GNLY: variants seen among roughly 807,000 people sequenced by gnomAD.
GNLY encodes granulysin, also known as T-cell activation protein 519.
A neutral mutation model predicts 18.5 loss-of-function variants in GNLY; 15 were observed. That is an observed-to-expected ratio of 0.81 (90% CI 0.54 to 1.25). GNLY has a LOEUF of 1.25. Ranked by LOEUF, GNLY falls within the 50% of genes most tolerant of loss-of-function variation. The pLI is 0.00. For missense variants in GNLY, 178 were observed against 186.9 expected, an observed-to-expected ratio of 0.95 and a Z score of 0.28; for synonymous variants, 77 against 74.9, an observed-to-expected ratio of 1.03 and a Z score of -0.14.
chr2:85,698,664 C>T lies in GNLY; in HGVS notation c.*90C>T. ...AACCTCTGCCGGCTCCTCGCTTCCTCGATCCAGAATCCACTCTCCAGTCTC... is the reference window on the plus strand; with the variant it reads ...AACCTCTGCCGGCTCCTCGCTTCCTTGATCCAGAATCCACTCTCCAGTCTC... On this transcript the variant is annotated 3_prime_UTR_variant, in exon 5 of 5. Transcript: ENST00000263863. 1 of 1,610,076 alleles carries T rather than the reference C, an allele frequency of 6.2e-7. No homozygotes were observed. Among genetic ancestry groups the T allele is most frequent in the Non-Finnish European group, 8.5e-7 (1 of 1,179,260 alleles).
chr2:85,695,055 C>A, intron 1 of GNLY: 2 of 1,492,450 alleles, frequency 1.3e-6, no homozygotes, highest in East Asian at 4.8e-5. Context: ...AAACCGACCC[C>A]CAAATCTGTG....
At position 85,694,451 on chromosome 2, in the gene GNLY, C is replaced by A. The variant is rs1265427500; in HGVS notation, c.33C>A (p.Ala11=). The part of the protein sequence containing the change: MATWALLLLA[A]MLLGNPGLVF... ...CCTGGGCCCTCCTGCTCCTTGCAGC[C>A]ATGCTCCTGGGCAACCCAGGTAAGG... Residue 11 remains alanine, a synonymous_variant, in exon 1 of 5, where the codon GCC becomes GCA. Transcript: ENST00000263863. The A allele has an allele frequency of 6.2e-7, 1 of 1,614,118 alleles. No individual in the cohort carries two copies. The highest frequency in any genetic ancestry group is 1.7e-5 in the Admixed American group (1 of 60,008).
rs146680370 is a variant in GNLY, at chr2:85,695,383, A to G, written c.116A>G (p.Glu39Gly). The G allele has an allele frequency of 5.6e-5, 91 of 1,613,670 alleles. No homozygotes were observed. In the African/African-American group the frequency reaches 1.2e-3, roughly 21 times the overall value. ...CTGGCAAGAGCCCACCTGCGTGATG[A>G]GGAGAAATCCTGCCCGTGCCTGGCC... ...YDLARAHLRD[E>G]EKSCPCLAQE... Residue 39 changes from glutamate (E) to glycine (G), a missense_variant, in exon 2 of 5, where the codon GAG (glutamate) becomes GGG (glycine). Transcript: ENST00000263863.
rs577851040 is a variant in GNLY, at chr2:85,695,959, G to C, written c.158G>C (p.Gly53Ala). The change falls in exon 3 of 5, where the codon GGT becomes GCT. Residue 53 changes from glycine to alanine, a missense_variant and splice_region_variant. Physicochemically the swap from Gly to Ala is moderately conservative, Grantham distance 60. Transcript: ENST00000263863. ...CPCLAQEGPQ[G>A]DLLTKTQELG... The stretch of plus-strand genomic sequence containing the variant: ...CATAAGGGCTTTCTTTCCTGACAGG[G>C]TGACCTGTTGACCAAAACACAGGAG... The C allele has an allele frequency of 5.7e-5, 91 of 1,588,072 alleles. 3 individuals are homozygous for C. In the South Asian group the frequency reaches 1.0e-3, roughly 18 times the overall value.
intron 1 of GNLY, chr2:85,694,989 G>T (rs748218343): frequency 1.3e-6 from 2 of 1,585,018 alleles, no homozygotes; most frequent in South Asian, 2.3e-5. Context: ...GGGCCATCTG[G>T]ATGGAAGGTA....
Position 85,697,557 on chromosome 2 carries a change from T to G in GNLY, c.307T>G (p.Trp103Gly). The change falls in exon 4 of 5, where the codon TGG becomes GGG. Residue 103 changes from tryptophan to glycine, a missense_variant. Transcript: ENST00000263863. ...TRVCRTGRSR[W>G]RDVCRNFMRR... ...GGTGTGTAGGACGGGGAGGTCACGA[T>G]GGCGCGACGTCTGCAGAAATTTCAT... 6.2e-7 allele frequency: 1 copy of G among 1,613,214 alleles called. No individual in the cohort carries two copies. The highest frequency in any genetic ancestry group is 1.1e-5 in the South Asian group (1 of 91,030).
chr2:85,697,141 C>A, intron 3 of GNLY: 1 of 208,378 alleles, frequency 4.8e-6, no homozygotes, highest in Non-Finnish European at 9.8e-6. Flanking sequence ...TGCACCCCCT[C>A]TATCTGGAGC....
chr2:85,698,519 G>T, intron 4 of GNLY, 45 bp from the exon 5 acceptor site: 2 of 1,612,992 alleles, frequency 1.2e-6, no homozygotes, highest in Non-Finnish European at 1.7e-6. Context: ...TTCTCCTTGA[G>T]GACCCACCAC....
intron 3 of GNLY, chr2:85,696,538 CT>C (rs35724532): frequency 0.32 from 45,844 of 144,578 alleles, 8,106 homozygotes; most frequent in East Asian, 0.58. Flanking sequence ...TTGTCAAACC[CT>C]TTTTTTTTTT....
intron 4 of GNLY, 180 bp from the exon 5 acceptor site, chr2:85,698,384 C>T: frequency 2.1e-6 from 2 of 944,190 alleles, no homozygotes; most frequent in Non-Finnish European, 3.4e-6. Flanking sequence ...GAGCTTGTGG[C>T]TTTTCTATTC....
intron 2 of GNLY, 39 bp from the exon 3 acceptor site, chr2:85,695,919 T>G (rs552917326): frequency 4.2e-6 from 5 of 1,191,530 alleles, no homozygotes; most frequent in Non-Finnish European, 5.0e-6. Context: ...GCTCCCAGAG[T>G]GTCTGAGAGA....
chr2:85,695,145 G>T, intron 1 of GNLY, 175 bp from the exon 2 acceptor site: 2 of 899,642 alleles, frequency 2.2e-6, no homozygotes, highest in South Asian at 1.6e-5. Flanking sequence ...TGTTTGTGCT[G>T]AGAGTGGGTC....
chr2:85,694,577 T>TCCC, intron 1 of GNLY, 107 bp downstream of exon 1: 1 of 1,182,104 alleles, frequency 8.5e-7, no homozygotes, highest in Non-Finnish European at 1.2e-6. Flanking sequence ...TGCCCCTGCC[T>TCCC]CCCCCCGGCC....
chr2:85,694,912 C>G, intron 1 of GNLY: 1 of 1,562,864 alleles, frequency 6.4e-7, no homozygotes, highest in Non-Finnish European at 8.7e-7. Context: ...CTGCTCTCTC[C>G]CAGGCCTTGA....
chr2:85,694,755 C>T, intron 1 of GNLY: 3 of 1,439,606 alleles, frequency 2.1e-6, no homozygotes, highest in Non-Finnish European at 2.7e-6. Context: ...CTCCCAAGCC[C>T]CTGCCTCCGC....
At chr2:85,697,825 G>C in intron 4 of GNLY, 148 bp downstream of exon 4, 1 of 635,660 alleles carries the variant, frequency 1.6e-6, no homozygotes, top group Non-Finnish European at 2.8e-6. Flanking sequence ...AGAAATGTTT[G>C]AGAAATACTG....
At chr2:85,695,079 AGAG>A in intron 1 of GNLY, 5 of 1,282,208 alleles carry the variant, frequency 3.9e-6, no homozygotes, top group Non-Finnish European at 5.5e-6. Context: ...CTGGGGGAAC[AGAG>A]GAGAAGAGAG....
In GNLY at chr2:85,695,317, C is replaced by T. The variant is rs751685825; in HGVS notation, c.53-3C>T. 4.4e-6 allele frequency: 7 copies of T among 1,596,502 alleles called. No individual in the cohort carries two copies. The highest frequency in any genetic ancestry group is 5.2e-6 in the Non-Finnish European group (6 of 1,164,020). Reference sequence around the variant, plus strand: ...GGGGAAGCTGAAGTCTGGTCTTCCTCAGGTCTGGTCTTCTCTCGTCTGAGC... The same window carrying T: ...GGGGAAGCTGAAGTCTGGTCTTCCTTAGGTCTGGTCTTCTCTCGTCTGAGC... On this transcript the variant is annotated splice_polypyrimidine_tract_variant and splice_region_variant and intron_variant, in intron 1 of 4. Transcript: ENST00000263863.
In GNLY at chr2:85,697,574, A is replaced by G. The variant is rs758303490; in HGVS notation, c.324A>G (p.Arg108=). The G allele has an allele frequency of 6.2e-7, 1 of 1,613,526 alleles. No homozygotes were observed. The highest frequency in any genetic ancestry group is 8.5e-7 in the Non-Finnish European group (1 of 1,179,696). The change falls in exon 4 of 5, where the codon AGA becomes AGG. Residue 108 remains arginine, a synonymous_variant. Coordinates refer to ENST00000263863, the MANE Select transcript of GNLY (RefSeq NM_006433.5). ...GGTCACGATGGCGCGACGTCTGCAG[A>G]AATTTCATGAGGAGGTATCAGTCTA... ...TGRSRWRDVC[R]NFMRRYQSRV...
Sources: allele counts gnomAD v4.1 joint callset, GRCh38; gene constraint gnomAD v4.1.1; transcripts MANE v1.5; gene names NCBI Gene and HGNC (gene_info 2026-07-23, HGNC 2026-07-21).